NPY1R: variants seen among roughly 807,000 people sequenced by gnomAD.
NPY1R encodes the protein neuropeptide Y receptor type 1.
NPY1R carries 10 observed loss-of-function variants against 24.1 expected under a neutral mutation model. The ratio of observed to expected loss-of-function variants is 0.42; its 90% CI spans 0.26 to 0.71. The LOEUF (loss-of-function observed/expected upper bound fraction) is 0.71. NPY1R is among the 30% of genes least tolerant of loss of function. The pLI, the probability that NPY1R is intolerant of heterozygous loss-of-function variation, is 0.28. For synonymous variants in NPY1R, 168 were observed against 165.9 expected, an observed-to-expected ratio of 1.01 and a Z score of -0.10; for missense variants, 350 against 458.0, an observed-to-expected ratio of 0.76 and a Z score of 2.15.
At chr4:163,335,527 GA>G (rs1440515596), upstream of NPY1R, among the ~76,000 whole-genome samples, 2 of 152,160 alleles carry the variant, frequency 1.3e-5, no homozygotes, top group Admixed American at 6.5e-5. Flanking sequence ...TAAAGTTTCT[GA>G]AATGCTATCA....
upstream of NPY1R, among the ~76,000 whole-genome samples, chr4:163,333,941 A>G (rs911309392): frequency 2.6e-5 from 4 of 152,168 alleles, no homozygotes; most frequent in Non-Finnish European, 5.9e-5. Flanking sequence ...GCATACATAT[A>G]AAAATCTCTA....
intron 1 of NPY1R, among the ~76,000 whole-genome samples, chr4:163,332,130 G>T (rs1734745559): frequency 1.3e-5 from 2 of 152,240 alleles, no homozygotes; most frequent in Non-Finnish European, 2.9e-5. Context: ...GCGGGTGTGG[G>T]ATAGGCGAAC....
upstream of NPY1R, among the ~76,000 whole-genome samples, chr4:163,334,808 C>T (rs543756459): frequency 5.5e-5 from 8 of 145,622 alleles, 1 homozygote; most frequent in African/African-American, 1.3e-4. Flanking sequence ...TGCAGTGAGC[C>T]GAGATCGCAC....
chr4:163,336,367 G>T (rs1734839438), upstream of NPY1R, among the ~76,000 whole-genome samples: 2 of 152,044 alleles, frequency 1.3e-5, no homozygotes, highest in African/African-American at 4.8e-5. Flanking sequence ...TATAATGAAA[G>T]GAGCTTTGCC....
At chr4:163,331,910 T>TG (rs1734737902) in intron 1 of NPY1R, among the ~76,000 whole-genome samples, 1 of 152,128 alleles carries the variant, frequency 6.6e-6, no homozygotes, top group Non-Finnish European at 1.5e-5. Flanking sequence ...AACCCGCAAG[T>TG]GGGGGTGGGC....
At position 163,331,867 on chromosome 4, in the gene NPY1R, G is replaced by T. The variant is rs111837690; in HGVS notation, c.-152+615C>A. Among the ~76,000 whole-genome samples the T allele has an allele frequency of 7.1e-3, 1,082 of 152,332 alleles. 7 individuals are homozygous for T. Among genetic ancestry groups the T allele is most frequent in the Non-Finnish European group, 0.012 (811 of 68,024 alleles). ...CCACACTCGAAGCGCCCGGTACTGCGGAGCGCGGCTCGATTGCAGCCGAGA... is the reference window on the plus strand; with the variant it reads ...CCACACTCGAAGCGCCCGGTACTGCTGAGCGCGGCTCGATTGCAGCCGAGA... On this transcript the variant is annotated intron_variant, in intron 1 of 2. Transcript: ENST00000296533.
chr4:163,329,600 CA>C (rs553333262), intron 1 of NPY1R, among the ~76,000 whole-genome samples: 248 of 128,400 alleles, frequency 1.9e-3, no homozygotes, highest in Admixed American at 2.4e-3. Context: ...GACTCCGTCT[CA>C]AAAAAAAAAA....
At chr4:163,336,415 A>G (rs1734841239), upstream of NPY1R, among the ~76,000 whole-genome samples, 1 of 152,174 alleles carries the variant, frequency 6.6e-6, no homozygotes, top group South Asian at 2.1e-4. Context: ...TATTATTACT[A>G]TTCCCTTCAT....
At chr4:163,335,771 C>A (rs1275868674), upstream of NPY1R, among the ~76,000 whole-genome samples, 1 of 151,734 alleles carries the variant, frequency 6.6e-6, no homozygotes, top group East Asian at 1.9e-4. Context: ...ATCTTTGACG[C>A]CCAAGAATGT....
chr4:163,340,679 C>T lies in NPY1R; in HGVS notation c.-152+3626G>A, dbSNP rs142931664. Among the ~76,000 whole-genome samples, 139 of 152,044 alleles carry T rather than the reference C, an allele frequency of 9.1e-4. No homozygotes were observed. The East Asian group carries it at 0.018, about 20-fold the overall frequency. ...AAAATATTTCATTTTATAAAGAAAA[C>T]GAAGACTGAAAAATCAAGTGCCTAT... On this transcript the variant is annotated intron_variant, in intron 1 of 1. Coordinates refer to the NPY1R transcript ENST00000511901.
upstream of NPY1R, among the ~76,000 whole-genome samples, chr4:163,333,650 C>A (rs568576930): frequency 2.6e-5 from 4 of 152,194 alleles, no homozygotes; most frequent in African/African-American, 9.6e-5. Flanking sequence ...TAATTAAAAT[C>A]AAAATAAAAT....
rs1402902880 is a variant in NPY1R, at chr4:163,325,915, G to C, written c.640C>G (p.Leu214Val). ...CCAAAATACTGCAGCACCAAGAGGA[G>C]AGTGGTATAAGACAACCTATGAGAG... ...SDSHRLSYTT[L>V]LLVLQYFGPL... The change falls in exon 2 of 3, where the codon CTC becomes GTC. Residue 214 changes from leucine to valine, a missense_variant. Transcript: ENST00000296533. 2.5e-6 allele frequency: 4 copies of C among 1,614,058 alleles called. No homozygotes were observed. Among genetic ancestry groups the C allele is most frequent in the South Asian group, 2.2e-5 (2 of 91,074 alleles).
At chr4:163,332,972 C>A (rs1274646000), upstream of NPY1R, 1 of 152,140 alleles carries the variant, frequency 6.6e-6, no homozygotes, top group Non-Finnish European at 1.5e-5. Flanking sequence ...CAGCCCAAAC[C>A]AGGAATCAAA....
At chr4:163,332,608 G>A (rs1734759491), upstream of NPY1R, 1 of 152,270 alleles carries the variant, frequency 6.6e-6, no homozygotes, top group Non-Finnish European at 1.5e-5. Flanking sequence ...ATGAAGCTAG[G>A]AAGAGACGCC....
At chr4:163,338,105 T>C (rs1198035315) in intron 1 of NPY1R, among the ~76,000 whole-genome samples, 2 of 152,184 alleles carry the variant, frequency 1.3e-5, no homozygotes, top group African/African-American at 4.8e-5. Context: ...TCTCCCAAGA[T>C]CTACTATTTC....
At position 163,339,347 on chromosome 4, in the gene NPY1R, A is replaced by G. The variant is rs576935785; in HGVS notation, c.-152+4958T>C. ...GTATAAAGCCCTCTGTTACATCCCC[A>G]GTTTATTTTTAAGAATGAATTACCC... On this transcript the variant is annotated intron_variant, in intron 1 of 1. Transcript: ENST00000511901. Among the ~76,000 whole-genome samples the G allele has an allele frequency of 4.6e-5, 7 of 152,268 alleles. No homozygotes were observed. In the East Asian group the frequency reaches 1.2e-3, roughly 25 times the overall value.
upstream of NPY1R, chr4:163,332,793 G>C (rs1427663603): frequency 6.6e-6 from 1 of 152,366 alleles, no homozygotes; most frequent in East Asian, 1.9e-4. Flanking sequence ...ATTCGACACA[G>C]ACCTCCCGCG....
upstream of NPY1R, among the ~76,000 whole-genome samples, chr4:163,333,999 C>T (rs923942215): frequency 1.0e-4 from 15 of 145,044 alleles, no homozygotes; most frequent in Admixed American, 6.5e-4. Flanking sequence ...TACACACACA[C>T]ACATATACAC....
At position 163,326,013 on chromosome 4, in the gene NPY1R, T is replaced by G; in HGVS notation, c.542A>C (p.Asp181Ala). ...AAGTGTTACATTTTGGAACGGCTCA[T>G]CAGTCATTACTTGGTAGATCAGGAA... ...LPFLIYQVMTDEPFQNVTLDA... is the reference protein window; with the variant it reads ...LPFLIYQVMTAEPFQNVTLDA... Residue 181 changes from aspartate to alanine, a missense_variant, in exon 2 of 3, where the codon GAT becomes GCT. Transcript: ENST00000296533. 1 of 1,614,086 alleles carries G rather than the reference T, an allele frequency of 6.2e-7. No individual in the cohort carries two copies. The highest frequency in any genetic ancestry group is 8.5e-7 in the Non-Finnish European group (1 of 1,179,976).
Sources: gnomAD v4.1 joint callset for allele counts (sites outside exome capture counted in the v4.1 genomes callset) on GRCh38, gnomAD v4.1.1 for gene constraint, MANE v1.5 for transcripts, NCBI Gene and HGNC (gene_info 2026-07-23, HGNC 2026-07-21) for gene names.